Variants in FBXO4 observed in about 807,000 individuals in gnomAD.
The protein encoded by FBXO4 is F-box only protein 4.
Under a neutral mutation model 43.7 loss-of-function variants are expected in FBXO4, and 36 were observed. The observed-to-expected ratio is 0.82, with a 90% CI of 0.63 to 1.09. The LOEUF is 1.09. Ranked by LOEUF, FBXO4 falls within the 50% of genes least tolerant of loss-of-function variation. FBXO4 has a pLI of 0.00. For synonymous variants in FBXO4, 180 were observed against 165.6 expected, an observed-to-expected ratio of 1.09 and a Z score of -0.67; for missense variants, 435 against 474.1, an observed-to-expected ratio of 0.92 and a Z score of 0.77.
the FBXO4 span, among the ~76,000 whole-genome samples, chr5:41,999,476 TACAC>T: frequency 3.7e-4 from 10 of 27,346 alleles, no homozygotes; most frequent in African/African-American, 7.7e-4. Context: ...TATATATATA[TACAC>T]ATATATATAT....
At chr5:42,034,859 T>A in the FBXO4 span, among the ~76,000 whole-genome samples, 1 of 152,252 alleles carries the variant, frequency 6.6e-6, no homozygotes, top group Non-Finnish European at 1.5e-5. Flanking sequence ...CTCTTTTTTT[T>A]CCATGTGAAA....
chr5:41,984,169 A>G, the FBXO4 span, among the ~76,000 whole-genome samples: 1 of 152,176 alleles, frequency 6.6e-6, no homozygotes, highest in Non-Finnish European at 1.5e-5. Context: ...TGGCATTTTT[A>G]ATAGTTTCTA....
chr5:41,989,516 T>C, the FBXO4 span, among the ~76,000 whole-genome samples: 2 of 152,204 alleles, frequency 1.3e-5, no homozygotes, highest in Non-Finnish European at 2.9e-5. Flanking sequence ...GGTAATTTAC[T>C]TTAAAGCTCC....
intron 5 of FBXO4, among the ~76,000 whole-genome samples, chr5:41,936,785 A>C (rs1348741322): frequency 6.6e-6 from 1 of 152,172 alleles, no homozygotes; most frequent in Non-Finnish European, 1.5e-5. Context: ...AAAAAGTAAG[A>C]GCAAGGAACA....
At chr5:42,013,420 G>C in the FBXO4 span, among the ~76,000 whole-genome samples, 1 of 152,136 alleles carries the variant, frequency 6.6e-6, no homozygotes, top group Non-Finnish European at 1.5e-5. Flanking sequence ...TCAGATTAAA[G>C]TACCACTCAA....
the FBXO4 span, among the ~76,000 whole-genome samples, chr5:41,972,093 A>G: frequency 6.6e-6 from 1 of 152,280 alleles, no homozygotes; most frequent in African/African-American, 2.4e-5. Flanking sequence ...AGCCAGAGCA[A>G]TCAGTCAAGA....
downstream of FBXO4, among the ~76,000 whole-genome samples, chr5:41,945,797 G>A (rs1049455290): frequency 1.3e-5 from 2 of 152,060 alleles, no homozygotes; most frequent in African/African-American, 2.4e-5. Context: ...AAAATTTCTG[G>A]TCTAACCGGT....
chr5:41,928,942 C>G (rs992822914), intron 2 of FBXO4, among the ~76,000 whole-genome samples: 5 of 152,118 alleles, frequency 3.3e-5, no homozygotes, highest in Non-Finnish European at 5.9e-5. Flanking sequence ...TTGCAAGAAA[C>G]GGAATTGTTT....
At chr5:42,016,607 A>G in the FBXO4 span, among the ~76,000 whole-genome samples, 4 of 152,058 alleles carry the variant, frequency 2.6e-5, no homozygotes, top group Admixed American at 2.6e-4. Context: ...TATAAAAACT[A>G]TGTTCTCAGC....
chr5:41,935,229 T>C, intron 5 of FBXO4: 1 of 783,414 alleles, frequency 1.3e-6, no homozygotes, highest in Non-Finnish European at 1.5e-6. Context: ...AAAAATAAAT[T>C]AAAAAAATTT....
chr5:41,947,796 A>C, the FBXO4 span, among the ~76,000 whole-genome samples: 1 of 152,132 alleles, frequency 6.6e-6, no homozygotes, highest in African/African-American at 2.4e-5. Flanking sequence ...GAGTGATGAT[A>C]GTTTCTACAG....
the FBXO4 span, among the ~76,000 whole-genome samples, chr5:41,989,097 A>G: frequency 1.3e-5 from 2 of 152,206 alleles, no homozygotes; most frequent in South Asian, 2.1e-4. Context: ...TATTTAAGAA[A>G]AAAACGGCCA....
At chr5:41,933,776 A>G (rs1303308012) in intron 3 of FBXO4, among the ~76,000 whole-genome samples, 170 bp from the exon 4 acceptor site, 2 of 152,198 alleles carry the variant, frequency 1.3e-5, no homozygotes, top group Non-Finnish European at 2.9e-5. Context: ...TGTGAATGAA[A>G]GTTACATACG....
At chr5:41,945,780 C>T (rs961951135), downstream of FBXO4, among the ~76,000 whole-genome samples, 1 of 152,116 alleles carries the variant, frequency 6.6e-6, no homozygotes, top group Non-Finnish European at 1.5e-5. Flanking sequence ...AGGCATACTC[C>T]CTTCTGAAAA....
chr5:41,950,190 G>T, the FBXO4 span, among the ~76,000 whole-genome samples: 2 of 152,030 alleles, frequency 1.3e-5, no homozygotes, highest in Non-Finnish European at 2.9e-5. Context: ...AAAAGCAATG[G>T]CAACAAAAGC....
intron 3 of FBXO4, 25 bp from the exon 4 acceptor site, chr5:41,933,921 T>C (rs1273685119): frequency 1.3e-6 from 2 of 1,580,104 alleles, no homozygotes; most frequent in Admixed American, 1.7e-5. Flanking sequence ...TGATTTGTTT[T>C]GGTAACTGTG....
the FBXO4 span, among the ~76,000 whole-genome samples, chr5:41,947,870 T>TAAG: frequency 6.6e-6 from 1 of 152,092 alleles, no homozygotes; most frequent in African/African-American, 2.4e-5. Context: ...GAAGTAGGGA[T>TAAG]CAGGTATCAC....
the FBXO4 span, among the ~76,000 whole-genome samples, chr5:42,018,932 A>G: frequency 0.11 from 16,713 of 152,176 alleles, 1,442 homozygotes; most frequent in African/African-American, 0.24. Flanking sequence ...TCCTAGCAGC[A>G]AATGTCAGCA....
chr5:41,925,365 A>G lies in FBXO4; in HGVS notation c.56A>G (p.Asp19Gly), dbSNP rs1489638708. The change falls in exon 1 of 7, where the codon GAC becomes GGC. Residue 19 changes from aspartate (D) to glycine (G), a missense_variant. Asp to Gly is a moderately conservative substitution (Grantham distance 94). Transcript: ENST00000281623. ...GTNSPPPPFS[D>G]WGRLEAAILS... ...AACTCGCCGCCGCCGCCCTTCAGCGACTGGGGCCGCCTGGAGGCGGCCATC... is the reference window on the plus strand; with the variant it reads ...AACTCGCCGCCGCCGCCCTTCAGCGGCTGGGGCCGCCTGGAGGCGGCCATC... The G allele has an allele frequency of 2.2e-6, 3 of 1,375,110 alleles. No homozygotes were observed. The highest frequency in any genetic ancestry group is 1.5e-5 in the African/African-American group (1 of 65,454). 85.2% of individuals were successfully genotyped at this position (1,375,110 alleles called of 1,614,324 possible).
Sources: allele counts gnomAD v4.1 joint callset (sites outside exome capture counted in the v4.1 genomes callset), GRCh38; gene constraint gnomAD v4.1.1; transcripts MANE v1.5; gene names NCBI Gene and HGNC (gene_info 2026-07-23, HGNC 2026-07-21).